The following LIM2 variants were observed in gnomAD, a reference collection of about 807,000 sequenced individuals.
LIM2 encodes the protein lens fiber membrane intrinsic protein.
In LIM2, 14 loss-of-function variants were observed where a neutral mutation model predicts 19.0. That is an observed-to-expected ratio of 0.74 (90% CI 0.49 to 1.15). LIM2 has a LOEUF of 1.15. LIM2 is among the 50% of genes most tolerant of loss of function. The pLI, the probability that LIM2 is intolerant of heterozygous loss-of-function variation, is 0.00. For synonymous variants in LIM2, 78 were observed against 89.6 expected, an observed-to-expected ratio of 0.87 and a Z score of 0.73; for missense variants, 230 against 243.5, an observed-to-expected ratio of 0.94 and a Z score of 0.37.
rs1311933201 is a variant in LIM2 at position 51,380,212 on chromosome 19, T to G, written c.511A>C (p.Thr171Pro). ...GGACACATTTGGGCTCAGCGGGGTG[T>G]AGACAGGCGCCGGCATTCATGCACC... ...YRVHECRRLS[T>P]PR is the part of the protein sequence containing the mutation. The change falls in exon 5 of 5, where the codon ACA becomes CCA. Residue 171 changes from threonine (T) to proline (P), a missense_variant. Coordinates refer to ENST00000596399, the MANE Select transcript of LIM2 (RefSeq NM_001161748.2). The G allele has an allele frequency of 6.2e-7, 1 of 1,613,756 alleles. No homozygotes were observed. Among genetic ancestry groups the G allele is most frequent in the Admixed American group, 1.7e-5 (1 of 59,958 alleles).
At position 51,382,496 on chromosome 19, in the gene LIM2, T is replaced by C; in HGVS notation, c.247A>G (p.Ile83Val). 1.9e-6 allele frequency: 3 copies of C among 1,614,014 alleles called. No homozygotes were observed. The highest frequency in any genetic ancestry group is 2.5e-6 in the Non-Finnish European group (3 of 1,179,962). The change falls in exon 3 of 5, where the codon ATC (isoleucine) becomes GTC (valine). Residue 83 changes from isoleucine (I) to valine (V), a missense_variant. Transcript: ENST00000596399. ...LCAISGIIMG[I>V]MAFAHQPTFS... is the part of the protein sequence containing the mutation. ...GTAGGCTGATGAGCGAAGGCCATGA[T>C]GCCCATGATGATGCCGGAGATGGCG...
intron 2 of LIM2, among the ~76,000 whole-genome samples, chr19:51,384,994 C>CT (rs151147335): frequency 0.016 from 2,502 of 152,234 alleles, 75 homozygotes; most frequent in African/African-American, 0.056. Context: ...TTCTGAGCAG[C>CT]TGGGGCCACG....
At chr19:51,382,783 C>G (rs994266500) in intron 2 of LIM2, among the ~76,000 whole-genome samples, 3 of 152,094 alleles carry the variant, frequency 2.0e-5, no homozygotes, top group Non-Finnish European at 4.4e-5. Flanking sequence ...TCTCCCCACC[C>G]CTCAGTCATC....
chr19:51,384,353 C>G (rs1413448378), intron 2 of LIM2, among the ~76,000 whole-genome samples: 1 of 152,128 alleles, frequency 6.6e-6, no homozygotes, highest in African/African-American at 2.4e-5. Flanking sequence ...ATCACTTGAA[C>G]CCGGGAGGTG....
At chr19:51,381,241 C>A (rs1043132544) in intron 3 of LIM2, among the ~76,000 whole-genome samples, 41 of 151,938 alleles carry the variant, frequency 2.7e-4, no homozygotes, top group African/African-American at 9.7e-4. Flanking sequence ...TCACTTGAAC[C>A]CGGGAGGGGA....
Position 51,387,293 on chromosome 19 carries a change from A to G in LIM2, c.151T>C (p.Cys51Arg), listed in dbSNP as rs756166034. 6.2e-7 allele frequency: 1 copy of G among 1,614,012 alleles called. No individual in the cohort carries two copies. The highest frequency in any genetic ancestry group is 2.2e-5 in the East Asian group (1 of 44,870). Residue 51 changes from cysteine to arginine, a missense_variant, in exon 2 of 5, where the codon TGC becomes CGC. Transcript: ENST00000596399. ...CCGATGCTGTCTGTCTGCAGGTAGC[A>G]CTTGTTGCCCAGGCAGTACCGCCAC... ...GLWRYCLGNK[C>R]YLQTDSIAYW...
chr19:51,380,459 C>T (rs1406109825), intron 4 of LIM2, 46 bp downstream of exon 4: 10 of 1,612,852 alleles, frequency 6.2e-6, no homozygotes, highest in South Asian at 5.5e-5. Flanking sequence ...TATCTGCTGC[C>T]CACTCTGCCC....
chr19:51,382,966 C>G (rs1045548857), intron 2 of LIM2, among the ~76,000 whole-genome samples: 1 of 150,204 alleles, frequency 6.7e-6, no homozygotes, highest in Non-Finnish European at 1.5e-5. Context: ...TGAATGAATG[C>G]TGATTCCTTA....
At chr19:51,387,181 C>A (rs772294474) in intron 2 of LIM2, 88 bp downstream of exon 2, 1 of 1,613,974 alleles carries the variant, frequency 6.2e-7, no homozygotes, top group East Asian at 2.2e-5. Context: ...CCGCAGAGTT[C>A]TCCATCTGGA....
intron 1 of LIM2, among the ~76,000 whole-genome samples, 187 bp from the exon 2 acceptor site, chr19:51,387,636 G>T (rs1438587129): frequency 6.6e-6 from 1 of 152,010 alleles, no homozygotes. Flanking sequence ...GGAGGAGGAT[G>T]GTAGGGATCC....
At chr19:51,386,155 C>T (rs780189998) in intron 2 of LIM2, among the ~76,000 whole-genome samples, 2 of 151,044 alleles carry the variant, frequency 1.3e-5, no homozygotes, top group African/African-American at 2.4e-5. Flanking sequence ...ACAGAGTCTT[C>T]GTCTGTTGTC....
chr19:51,380,689 T>C (rs1298811355), intron 3 of LIM2, 50 bp from the exon 4 acceptor site: 1 of 1,609,446 alleles, frequency 6.2e-7, no homozygotes, highest in Non-Finnish European at 8.5e-7. Context: ...CTGGGTGTGA[T>C]TTTGGAGGTG....
At chr19:51,385,273 G>T (rs1429584632) in intron 2 of LIM2, among the ~76,000 whole-genome samples, 16 of 152,178 alleles carry the variant, frequency 1.1e-4, no homozygotes, top group Admixed American at 2.6e-4. Flanking sequence ...TATAATCCCA[G>T]CACTTTGGGA....
chr19:51,386,421 G>A (rs146366344), intron 2 of LIM2, among the ~76,000 whole-genome samples: 1,910 of 149,470 alleles, frequency 0.013, 47 homozygotes, highest in African/African-American at 0.043. Flanking sequence ...ACCACGCCTG[G>A]CCAAATTTAT....
Position 51,380,532 on chromosome 19 carries a change from C to G in LIM2, c.433G>C (p.Val145Leu). The change falls in exon 4 of 5, where the codon GTG (valine) becomes CTG (leucine). Residue 145 changes from valine (V) to leucine (L), a missense_variant. By Grantham distance (32) the Val-to-Leu change is conservative. Coordinates refer to ENST00000596399, the MANE Select transcript of LIM2 (RefSeq NM_001161748.2). ...RFSWSYILGW[V>L]AVLMTFFAGI... is the part of the protein sequence containing the mutation. ...GCGAAGAACGTCATGAGCACTGCCA[C>G]CCAGCCCAGGATGTAGGACCAGGAA... 6.2e-7 allele frequency: 1 copy of G among 1,614,206 alleles called. No individual in the cohort carries two copies. Among genetic ancestry groups the G allele is most frequent in the South Asian group, 1.1e-5 (1 of 91,086 alleles).
intron 2 of LIM2, among the ~76,000 whole-genome samples, chr19:51,385,691 GAC>G (rs1193605216): frequency 6.6e-6 from 1 of 152,180 alleles, no homozygotes; most frequent in African/African-American, 2.4e-5. Flanking sequence ...TCACAAATGA[GAC>G]AGCCAGAAAG....
At chr19:51,386,313 C>A (rs1428775939) in intron 2 of LIM2, among the ~76,000 whole-genome samples, 1 of 150,492 alleles carries the variant, frequency 6.6e-6, no homozygotes, top group African/African-American at 2.4e-5. Flanking sequence ...TAGTAGAGAC[C>A]GGGTTTCACC....
rs775568396 is a variant in LIM2 at position 51,382,583 on chromosome 19, A to G, written c.176-16T>C. 8 of 1,612,808 alleles carry G rather than the reference A, an allele frequency of 5.0e-6. No homozygotes were observed. The Admixed American group carries it at 5.0e-5, about 10-fold the overall frequency. On this transcript the variant is annotated splice_polypyrimidine_tract_variant and intron_variant, in intron 2 of 4. Coordinates refer to ENST00000596399, the MANE Select transcript of LIM2 (RefSeq NM_001161748.2). ...TTCCAGTATGCTGTGGGAGCACCCC[A>G]TGGTCATTCCCACACCTCCCCTGCT...
intron 2 of LIM2, 122 bp downstream of exon 2, chr19:51,387,147 G>A: frequency 6.3e-7 from 1 of 1,588,512 alleles, no homozygotes; most frequent in Non-Finnish European, 8.6e-7. Context: ...AGTGACCTTG[G>A]GTTGCTCCCT....
Sources: gnomAD v4.1 joint callset for allele counts (sites outside exome capture counted in the v4.1 genomes callset) on GRCh38, gnomAD v4.1.1 for gene constraint, MANE v1.5 for transcripts, NCBI Gene and HGNC (gene_info 2026-07-23, HGNC 2026-07-21) for gene names.